PTPRN2: variants seen among roughly 807,000 people sequenced by gnomAD.
PTPRN2 encodes the protein receptor-type tyrosine-protein phosphatase N2.
PTPRN2 carries 74 observed loss-of-function variants against 118.8 expected under a neutral mutation model. That is an observed-to-expected ratio of 0.62 (90% CI 0.52 to 0.76). The LOEUF is 0.76. Ranked by LOEUF, PTPRN2 falls within the 30% of genes least tolerant of loss-of-function variation. The pLI is 0.00. For missense variants in PTPRN2, 1,481 were observed against 1,394.4 expected (o/e 1.06, Z -0.99); for synonymous variants, 641 against 608.0 (o/e 1.05, Z -0.80).
At chr7:158,423,320 C>T (rs952553223) in intron 2 of PTPRN2, among the ~76,000 whole-genome samples, 2 of 152,238 alleles carry the variant, frequency 1.3e-5, no homozygotes, top group African/African-American at 4.8e-5. Context: ...CTTCCCTCCA[C>T]CCACAGTAAC....
intron 1 of PTPRN2, among the ~76,000 whole-genome samples, chr7:158,560,253 T>A (rs1397860615): frequency 6.6e-6 from 1 of 152,276 alleles, no homozygotes; most frequent in African/African-American, 2.4e-5. Context: ...AACCTTCGGT[T>A]ATTGTGAATA....
intron 6 of PTPRN2, among the ~76,000 whole-genome samples, chr7:158,146,949 C>G (rs1271168067): frequency 6.8e-6 from 1 of 147,210 alleles, no homozygotes; most frequent in African/African-American, 2.5e-5. Context: ...TGTCTTTCCC[C>G]CTCAATGACA....
intron 2 of PTPRN2, among the ~76,000 whole-genome samples, chr7:158,446,418 G>A (rs1817728605): frequency 6.6e-6 from 1 of 152,144 alleles, no homozygotes; most frequent in Non-Finnish European, 1.5e-5. Context: ...AGTCTGTCGT[G>A]AGAGCTGGAG....
chr7:158,433,330 T>C (rs1816357493), intron 2 of PTPRN2, among the ~76,000 whole-genome samples: 2 of 152,210 alleles, frequency 1.3e-5, no homozygotes, highest in African/African-American at 2.4e-5. Flanking sequence ...TACTAGACCA[T>C]AAAAGACAGA....
chr7:158,332,275 G>A (rs111464438), intron 2 of PTPRN2, among the ~76,000 whole-genome samples: 1,751 of 115,774 alleles, frequency 0.015, 116 homozygotes, highest in African/African-American at 0.063. Flanking sequence ...ACACTCTCAC[G>A]ATAAGAGGTG....
At chr7:158,131,211 C>G (rs1818237657) in intron 9 of PTPRN2, among the ~76,000 whole-genome samples, 1 of 151,822 alleles carries the variant, frequency 6.6e-6, no homozygotes, top group Non-Finnish European at 1.5e-5. Flanking sequence ...CTCATATACA[C>G]ACACGTACAT....
intron 12 of PTPRN2, among the ~76,000 whole-genome samples, chr7:157,844,946 C>A (rs1461862853): frequency 6.6e-6 from 1 of 152,050 alleles, no homozygotes; most frequent in Admixed American, 6.6e-5. Flanking sequence ...CTTATTCTGG[C>A]CTGTGGGAAG....
chr7:158,416,484 T>C, intron 2 of PTPRN2, among the ~76,000 whole-genome samples: 1 of 152,258 alleles, frequency 6.6e-6, no homozygotes, highest in East Asian at 1.9e-4. Flanking sequence ...GCATGGGGAT[T>C]GGCCAGGGTG....
intron 9 of PTPRN2, among the ~76,000 whole-genome samples, chr7:158,131,174 C>CCAAT (rs1818230313): frequency 6.7e-6 from 1 of 149,344 alleles, no homozygotes; most frequent in Non-Finnish European, 1.5e-5. Context: ...GCACATCATA[C>CCAAT]CAATACACAT....
chr7:157,945,329 G>C (rs116817925), intron 11 of PTPRN2, among the ~76,000 whole-genome samples: 1 of 151,926 alleles, frequency 6.6e-6, no homozygotes, highest in Non-Finnish European at 1.5e-5. Context: ...AGCTGCTCCC[G>C]GCCAACCCCC....
At position 158,167,023 on chromosome 7, in the gene PTPRN2, G is replaced by A. The variant is rs759052108; in HGVS notation, c.818C>T (p.Ser273Leu). The A allele has an allele frequency of 1.1e-5, 16 of 1,506,060 alleles. No homozygotes were observed. The highest frequency in any genetic ancestry group is 1.4e-5 in the African/African-American group (1 of 72,042). 93.3% of individuals were successfully genotyped at this position (1,506,060 alleles called of 1,614,324 possible). The change falls in exon 6 of 23, where the codon TCA becomes TTA. Residue 273 changes from serine to leucine, a missense_variant. By Grantham distance (145) the Ser-to-Leu change is moderately radical. Coordinates refer to ENST00000389418, the MANE Select transcript of PTPRN2 (RefSeq NM_002847.5). ...LEPQYLLRAP[S>L]RMPRPLLAPA... The stretch of plus-strand genomic sequence containing the variant: ...TGCCAGCAAAGGCCTGGGCATTCTT[G>A]AGGGTGCACGCAGAAGGTACTGTGG...
At chr7:158,384,357 G>C (rs1811174973) in intron 2 of PTPRN2, among the ~76,000 whole-genome samples, 1 of 152,174 alleles carries the variant, frequency 6.6e-6, no homozygotes, top group Non-Finnish European at 1.5e-5. Context: ...CCGGGATGTG[G>C]GGACCGCGGG....
intron 12 of PTPRN2, among the ~76,000 whole-genome samples, chr7:157,756,304 A>ATT (rs3043661): frequency 0.031 from 4,483 of 145,220 alleles, 236 homozygotes; most frequent in African/African-American, 0.11. Context: ...CTTTTAATTA[A>ATT]TTTTTTTTTT....
At position 157,986,597 on chromosome 7, in the gene PTPRN2, G is replaced by A. The variant is rs1324125627; in HGVS notation, c.1724-87860C>T. ...GACATCTGCACTATTCAGACATCACGCTTCCTTTCGTCCTCACTCAAAATT... is the reference window on the plus strand; with the variant it reads ...GACATCTGCACTATTCAGACATCACACTTCCTTTCGTCCTCACTCAAAATT... On this transcript the variant is annotated intron_variant, in intron 11 of 22. Coordinates refer to ENST00000389418, the MANE Select transcript of PTPRN2 (RefSeq NM_002847.5). This position sits in a 1 kb window ranked among gnomAD's most constrained non-coding sequence, Gnocchi z 4.5. Among the ~76,000 whole-genome samples, 1 of 152,086 alleles carries A rather than the reference G, an allele frequency of 6.6e-6. No homozygotes were observed.
rs1021912723 is a variant in PTPRN2 at position 157,540,598 on chromosome 7, A to T, written c.*116T>A. ...TGCTAAACTGCGCTGACTACGGGAG[A>T]GCTAAGGGCCCTATTACTATGCAGT... On this transcript the variant is annotated 3_prime_UTR_variant, in exon 23 of 23. Coordinates refer to ENST00000389418, the MANE Select transcript of PTPRN2 (RefSeq NM_002847.5). 9.2e-6 allele frequency: 7 copies of T among 759,392 alleles called. No individual in the cohort carries two copies. The highest frequency in any genetic ancestry group is 7.2e-5 in the African/African-American group (4 of 55,584). The allele number at this position is 759,392 out of a possible 1,614,324, so 47.0% of individuals were successfully genotyped here. A position where few individuals can be genotyped will look rare whatever the true frequency, so the allele number is the denominator to read the frequency against.
chr7:158,333,490 G>C (rs374191512), intron 2 of PTPRN2, among the ~76,000 whole-genome samples: 234 of 66,132 alleles, frequency 3.5e-3, no homozygotes, highest in Middle Eastern at 0.014. Flanking sequence ...GTGACACCTG[G>C]AGACGTCACT....
chr7:158,187,243 C>A (rs1370728590), intron 5 of PTPRN2, among the ~76,000 whole-genome samples: 1 of 152,174 alleles, frequency 6.6e-6, no homozygotes, highest in Non-Finnish European at 1.5e-5. Context: ...TCTGTTATGA[C>A]GTCACCAGCA....
At chr7:158,053,607 T>C (rs886848080) in intron 11 of PTPRN2, among the ~76,000 whole-genome samples, 2 of 152,218 alleles carry the variant, frequency 1.3e-5, no homozygotes, top group East Asian at 1.9e-4. Flanking sequence ...ATAGGTTTAA[T>C]GTGGTAAAAG....
intron 3 of PTPRN2, among the ~76,000 whole-genome samples, chr7:158,236,007 G>A (rs73746436): frequency 0.06 from 9,198 of 152,126 alleles, 739 homozygotes; most frequent in African/African-American, 0.18. Context: ...ACACGGAGAC[G>A]TCGTGGGGGA....
Sources: allele counts gnomAD v4.1 joint callset (sites outside exome capture counted in the v4.1 genomes callset), GRCh38; gene constraint gnomAD v4.1.1; non-coding constraint Gnocchi (gnomAD v3.1); transcripts MANE v1.5; gene names NCBI Gene and HGNC (gene_info 2026-07-23, HGNC 2026-07-21).